The following TRMT11 variants were observed in gnomAD, a reference collection of about 807,000 sequenced individuals.
TRMT11 encodes the protein tRNA (guanine(10)-N(2))-methyltransferase TRMT11.
In TRMT11, 53 loss-of-function variants were observed where a neutral mutation model predicts 62.8. The ratio of observed to expected loss-of-function variants is 0.84; its 90% confidence interval spans 0.68 to 1.06. The LOEUF (loss-of-function observed/expected upper bound fraction) is 1.06. Among genes scored for constraint, TRMT11 ranks in the 50% least tolerant of loss-of-function variants. The pLI, the probability that TRMT11 is intolerant of heterozygous loss-of-function variation, is 0.00. For missense variants in TRMT11, 556 were observed against 553.4 expected (o/e 1.00, Z -0.05); for synonymous variants, 188 against 190.3 (o/e 0.99, Z 0.10).
chr6:126,196,116 A>G (rs756601181), intron 1 of TRMT11, among the ~76,000 whole-genome samples: 37 of 152,300 alleles, frequency 2.4e-4, no homozygotes, highest in Non-Finnish European at 4.3e-4. Context: ...ATTTAAGCCA[A>G]TGGTTTTCAA....
At chr6:126,140,140 T>G (rs1405913148) in intron 21 of TRMT11, among the ~76,000 whole-genome samples, 1 of 152,090 alleles carries the variant, frequency 6.6e-6, no homozygotes, top group Admixed American at 6.6e-5. Flanking sequence ...TACCTTTACA[T>G]TACTTATTTT....
the TRMT11 span, among the ~76,000 whole-genome samples, chr6:126,229,380 C>T: frequency 3.3e-5 from 5 of 152,204 alleles, no homozygotes; most frequent in African/African-American, 1.2e-4. Flanking sequence ...GACTCATACT[C>T]ATTGTTGGAA....
At chr6:126,186,061 T>C (rs1347820000) in intron 1 of TRMT11, among the ~76,000 whole-genome samples, 1 of 152,216 alleles carries the variant, frequency 6.6e-6, no homozygotes, top group East Asian at 1.9e-4. Context: ...GATATGTGCA[T>C]TTTAAAATAT....
At chr6:126,252,905 GA>G in the TRMT11 span, among the ~76,000 whole-genome samples, 19 of 152,244 alleles carry the variant, frequency 1.2e-4, no homozygotes, top group African/African-American at 3.6e-4. Context: ...GAGGAGACAG[GA>G]AAGAAACTAA....
At chr6:126,262,000 T>C in the TRMT11 span, among the ~76,000 whole-genome samples, 1,320 of 152,274 alleles carry the variant, frequency 8.7e-3, 5 homozygotes, top group Middle Eastern at 0.044. Context: ...TTTGTGTGAG[T>C]ACAGCGAGGT....
intron 17 of TRMT11, among the ~76,000 whole-genome samples, chr6:126,100,614 C>T (rs982551367): frequency 1.3e-5 from 2 of 152,138 alleles, no homozygotes; most frequent in African/African-American, 4.8e-5. Context: ...GAATATCATC[C>T]CAATAAGCTG....
intron 17 of TRMT11, among the ~76,000 whole-genome samples, chr6:126,103,935 A>T (rs1223968376): frequency 6.6e-6 from 1 of 152,178 alleles, no homozygotes; most frequent in Non-Finnish European, 1.5e-5. Context: ...GGCATGAACA[A>T]CAAGAATCTG....
intron 17 of TRMT11, among the ~76,000 whole-genome samples, chr6:126,096,953 A>T (rs1028745680): frequency 6.6e-6 from 1 of 152,212 alleles, no homozygotes; most frequent in African/African-American, 2.4e-5. Context: ...GTGAGTCACT[A>T]CTGCAGATAT....
At chr6:126,102,945 G>A (rs760816415) in intron 17 of TRMT11, among the ~76,000 whole-genome samples, 1 of 152,178 alleles carries the variant, frequency 6.6e-6, no homozygotes, top group African/African-American at 2.4e-5. Context: ...TCATATAATT[G>A]TTGTCTTATA....
At chr6:126,054,749 C>T (rs1192033178) in intron 17 of TRMT11, among the ~76,000 whole-genome samples, 1 of 152,222 alleles carries the variant, frequency 6.6e-6, no homozygotes, top group Non-Finnish European at 1.5e-5. Flanking sequence ...TACTGATCAA[C>T]CTCAAGGAAT....
the TRMT11 span, among the ~76,000 whole-genome samples, chr6:126,256,670 C>T: frequency 2.6e-5 from 4 of 152,134 alleles, no homozygotes; most frequent in African/African-American, 7.2e-5. Flanking sequence ...GTGGGAGGCA[C>T]ATAGGAAACA....
rs116153312 is a variant in TRMT11 at position 126,097,041 on chromosome 6, A to G, written c.*1438-15825A>G. Among the ~76,000 whole-genome samples the G allele has an allele frequency of 5.6e-3, 854 of 152,304 alleles. 8 individuals carry two copies. Among genetic ancestry groups the G allele is most frequent in the African/African-American group, 0.02 (819 of 41,570 alleles). On this transcript the variant is annotated intron_variant and NMD_transcript_variant, in intron 17 of 22. Coordinates refer to the TRMT11 transcript ENST00000648977. ...GGAACATTATTTGTCTCATCAGACT[A>G]TTCTAGATTGCAGACTTTTCTTCTT...
At chr6:126,266,498 C>T in the TRMT11 span, among the ~76,000 whole-genome samples, 1 of 152,054 alleles carries the variant, frequency 6.6e-6, no homozygotes, top group South Asian at 2.1e-4. Flanking sequence ...GAAATTCTGT[C>T]TTTCTTTCTT....
chr6:126,101,785 G>T (rs547885237), intron 17 of TRMT11, among the ~76,000 whole-genome samples: 49 of 152,306 alleles, frequency 3.2e-4, no homozygotes, highest in African/African-American at 1.2e-3. Flanking sequence ...CTGTTCTTTT[G>T]ATTTCCTATT....
chr6:125,992,098 C>G (rs1459115669), intron 1 of TRMT11, among the ~76,000 whole-genome samples: 1 of 152,138 alleles, frequency 6.6e-6, no homozygotes, highest in Non-Finnish European at 1.5e-5. Flanking sequence ...TTGTGTTTTG[C>G]TTTTTCCAAG....
chr6:126,072,643 G>A (rs1172069143), intron 17 of TRMT11, among the ~76,000 whole-genome samples: 1 of 152,134 alleles, frequency 6.6e-6, no homozygotes. Flanking sequence ...CACATACTGG[G>A]TAGCTTAAAT....
At chr6:126,050,192 T>A (rs937538595) in intron 16 of TRMT11, among the ~76,000 whole-genome samples, 5 of 151,948 alleles carry the variant, frequency 3.3e-5, no homozygotes, top group Non-Finnish European at 7.4e-5. Flanking sequence ...TAGCTGGGCG[T>A]GGTGGCACAC....
chr6:126,057,749 C>T (rs538860882), intron 17 of TRMT11, among the ~76,000 whole-genome samples: 4 of 152,300 alleles, frequency 2.6e-5, no homozygotes, highest in East Asian at 1.9e-4. Context: ...CCGTCAAACA[C>T]GGCGTCTGCG....
intron 1 of TRMT11, among the ~76,000 whole-genome samples, chr6:126,182,051 C>T (rs1778472468): frequency 6.6e-6 from 1 of 152,072 alleles, no homozygotes; most frequent in South Asian, 2.1e-4. Context: ...GGAGATAAGA[C>T]AGGAGATAAC....
Sources: gnomAD v4.1 joint callset for allele counts (sites outside exome capture counted in the v4.1 genomes callset) on GRCh38, gnomAD v4.1.1 for gene constraint, MANE v1.5 for transcripts, NCBI Gene and HGNC (gene_info 2026-07-23, HGNC 2026-07-21) for gene names.